The following TMPRSS15 variants were observed in gnomAD, a reference collection of about 807,000 sequenced individuals.
TMPRSS15 encodes transmembrane serine protease 15, also known as enteropeptidase.
Under a neutral mutation model 125.3 loss-of-function variants are expected in TMPRSS15, and 128 were observed. The observed-to-expected ratio is 1.02, with a 90% confidence interval of 0.89 to 1.18. The LOEUF (loss-of-function observed/expected upper bound fraction) is 1.18, where lower values mean the gene tolerates loss of function less well. Ranked by LOEUF, TMPRSS15 falls within the 50% of genes most tolerant of loss-of-function variation. TMPRSS15 has a pLI of 0.00. For missense variants in TMPRSS15, 1,283 were observed against 1,212.7 expected (o/e 1.06, Z -0.86); for synonymous variants, 446 against 423.2 (o/e 1.05, Z -0.66).
chr21:18,458,207 T>G (rs1203810402), intron 1 of TMPRSS15, among the ~76,000 whole-genome samples: 1 of 152,182 alleles, frequency 6.6e-6, no homozygotes, highest in African/African-American at 2.4e-5. Context: ...GAAGGAGCTG[T>G]TGGAACCTTG....
chr21:18,326,394 A>C, intron 16 of TMPRSS15, 38 bp downstream of exon 16: 2 of 1,614,002 alleles, frequency 1.2e-6, no homozygotes, highest in South Asian at 2.2e-5. Context: ...GTTTTGCTCC[A>C]AAAGTTATGA....
intron 17 of TMPRSS15, among the ~76,000 whole-genome samples, chr21:18,314,819 T>A (rs2075144029): frequency 6.6e-6 from 1 of 152,080 alleles, no homozygotes. Flanking sequence ...CAGAAAACAG[T>A]AGCCAATATG....
chr21:18,301,722 G>A (rs570278474), intron 18 of TMPRSS15, among the ~76,000 whole-genome samples: 3 of 152,246 alleles, frequency 2.0e-5, no homozygotes, highest in East Asian at 1.9e-4. Context: ...CAGAAGTTTA[G>A]TATCACATAG....
chr21:18,405,289 T>A (rs747312926), upstream of TMPRSS15, among the ~76,000 whole-genome samples: 7 of 152,198 alleles, frequency 4.6e-5, no homozygotes, highest in South Asian at 2.1e-4. Context: ...ACTTTCACTT[T>A]CGATCACAAA....
Position 18,281,050 on chromosome 21 carries a change from C to T in TMPRSS15, c.2658G>A (p.Val886=), listed in dbSNP as rs368010116. The T allele has an allele frequency of 1.3e-5, 21 of 1,612,648 alleles. No individual in the cohort carries two copies. The highest frequency in any genetic ancestry group is 2.7e-5 in the African/African-American group (2 of 74,608). ...ATTTTTTTTTTTTACCTGTGTAATT[C>T]ACTTTAAATTCCAGATGCATCATGG... ...DIAMMHLEFK[V]NYTDYIQPIC... is the part of the protein sequence containing the mutation. The change falls in exon 22 of 25, where the codon GTG becomes GTA. Residue 886 remains valine (V), a synonymous_variant. Transcript: ENST00000284885.
intron 1 of TMPRSS15, among the ~76,000 whole-genome samples, chr21:18,427,786 C>T (rs73198319): frequency 2.0e-5 from 3 of 152,208 alleles, no homozygotes; most frequent in Admixed American, 6.5e-5. Context: ...ACATTTTTTT[C>T]CCAAATGTGG....
intron 18 of TMPRSS15, among the ~76,000 whole-genome samples, chr21:18,301,554 G>T (rs1250271038): frequency 2.0e-5 from 3 of 152,148 alleles, no homozygotes; most frequent in Non-Finnish European, 2.9e-5. Flanking sequence ...GGCTCTTACT[G>T]CCTCAGTTTT....
At chr21:18,318,943 T>C (rs1376235659) in intron 16 of TMPRSS15, among the ~76,000 whole-genome samples, 1 of 152,214 alleles carries the variant, frequency 6.6e-6, no homozygotes, top group Non-Finnish European at 1.5e-5. Flanking sequence ...AATTAATGTA[T>C]GTTAAAAGAT....
intron 21 of TMPRSS15, among the ~76,000 whole-genome samples, chr21:18,292,243 A>T (rs2074846940): frequency 6.6e-6 from 1 of 152,088 alleles, no homozygotes. Context: ...CATAGACAAG[A>T]CCCCCATAGA....
intron 1 of TMPRSS15, among the ~76,000 whole-genome samples, chr21:18,438,491 A>T (rs1022290980): frequency 6.6e-6 from 1 of 152,198 alleles, no homozygotes; most frequent in Admixed American, 6.5e-5. Context: ...AAAAAAACAA[A>T]AAACATTATT....
chr21:18,280,626 C>G (rs2074686808), intron 22 of TMPRSS15, among the ~76,000 whole-genome samples: 1 of 149,672 alleles, frequency 6.7e-6, no homozygotes. Flanking sequence ...AAACTTCCTT[C>G]TATGAATAAC....
intron 1 of TMPRSS15, among the ~76,000 whole-genome samples, chr21:18,467,354 A>C (rs1437067117): frequency 6.6e-6 from 1 of 152,004 alleles, no homozygotes; most frequent in Non-Finnish European, 1.5e-5. Flanking sequence ...GTGTATACCT[A>C]TGTAACAAAC....
intron 1 of TMPRSS15, among the ~76,000 whole-genome samples, chr21:18,479,417 T>C (rs1459645711): frequency 6.6e-6 from 1 of 151,984 alleles, no homozygotes; most frequent in African/African-American, 2.4e-5. Context: ...TGATTAAAAT[T>C]TGTTTACTAC....
chr21:18,280,745 G>A (rs564980444), intron 22 of TMPRSS15, among the ~76,000 whole-genome samples: 1 of 152,048 alleles, frequency 6.6e-6, no homozygotes, highest in Non-Finnish European at 1.5e-5. Context: ...AAAATAGAGA[G>A]GGCATGCATA....
intron 3 of TMPRSS15, among the ~76,000 whole-genome samples, chr21:18,384,518 G>T (rs1370537408): frequency 6.6e-6 from 1 of 152,044 alleles, no homozygotes; most frequent in Admixed American, 6.6e-5. Context: ...ATTTTAAAAG[G>T]TAACTTTTTT....
chr21:18,336,991 A>C (rs1295460572), intron 13 of TMPRSS15, among the ~76,000 whole-genome samples: 1 of 152,268 alleles, frequency 6.6e-6, no homozygotes, highest in Non-Finnish European at 1.5e-5. Flanking sequence ...CTACATGAAG[A>C]ACTAAAGTTA....
At chr21:18,472,755 G>C (rs750391395) in intron 1 of TMPRSS15, among the ~76,000 whole-genome samples, 2 of 151,870 alleles carry the variant, frequency 1.3e-5, no homozygotes, top group Non-Finnish European at 2.9e-5. Context: ...AAAAGAAAAA[G>C]AAACTGAGTA....
At chr21:18,271,745 C>T (rs2074559310) in intron 24 of TMPRSS15, among the ~76,000 whole-genome samples, 1 of 152,090 alleles carries the variant, frequency 6.6e-6, no homozygotes, top group Admixed American at 6.6e-5. Context: ...TAGTCCCCAA[C>T]AGGCCCTGGT....
chr21:18,372,181 G>A lies in TMPRSS15; in HGVS notation c.664+12C>T, dbSNP rs1569039753. ...TAAAACAGAAGGGGAGAGAGTAGGG[G>A]GGAGAACTTACCACACATTTTATTG... On this transcript the variant is annotated intron_variant, in intron 6 of 24. Transcript: ENST00000284885. 6.2e-7 allele frequency: 1 copy of A among 1,608,210 alleles called. No homozygotes were observed. Among genetic ancestry groups the A allele is most frequent in the Non-Finnish European group, 8.5e-7 (1 of 1,176,628 alleles).
Sources: gnomAD v4.1 joint callset for allele counts (sites outside exome capture counted in the v4.1 genomes callset) on GRCh38, gnomAD v4.1.1 for gene constraint, MANE v1.5 for transcripts, NCBI Gene and HGNC (gene_info 2026-07-23, HGNC 2026-07-21) for gene names.